Variants in CDKAL1 observed in about 807,000 individuals in gnomAD.
CDKAL1 encodes CDKAL1 threonylcarbamoyladenosine tRNA methylthiotransferase.
A neutral mutation model predicts 68.2 loss-of-function variants in CDKAL1; 32 were observed. The observed-to-expected ratio is 0.47, with a 90% CI of 0.35 to 0.63. CDKAL1 has a LOEUF of 0.63. Among genes scored for constraint, CDKAL1 ranks in the 30% least tolerant of loss-of-function variants. The pLI is 0.00. For synonymous variants in CDKAL1, 234 were observed against 244.3 expected (o/e 0.96, Z 0.39); for missense variants, 606 against 696.7 (o/e 0.87, Z 1.47).
At chr6:20,891,144 A>C (rs1292317998) in intron 9 of CDKAL1, among the ~76,000 whole-genome samples, 1 of 152,192 alleles carries the variant, frequency 6.6e-6, no homozygotes, top group Non-Finnish European at 1.5e-5. Flanking sequence ...AGTGATTTAC[A>C]TGGCTACCGC....
intron 8 of CDKAL1, among the ~76,000 whole-genome samples, chr6:20,821,262 T>A (rs1197955414): frequency 6.6e-6 from 1 of 152,010 alleles, no homozygotes; most frequent in Non-Finnish European, 1.5e-5. Flanking sequence ...AGGGACGATA[T>A]CCTGTCGTGA....
At chr6:20,952,701 T>C (rs1365090782) in intron 9 of CDKAL1, among the ~76,000 whole-genome samples, 1 of 152,238 alleles carries the variant, frequency 6.6e-6, no homozygotes, top group African/African-American at 2.4e-5. Context: ...TGTGCAGATA[T>C]AAGCATGTGT....
chr6:20,783,629 C>A (rs1775530045), intron 8 of CDKAL1, among the ~76,000 whole-genome samples: 1 of 152,132 alleles, frequency 6.6e-6, no homozygotes, highest in Admixed American at 6.5e-5. Context: ...CTTGGGATGT[C>A]TGCTTGTTTC....
intron 4 of CDKAL1, among the ~76,000 whole-genome samples, chr6:20,554,897 G>A (rs1763974809): frequency 6.6e-6 from 1 of 152,194 alleles, no homozygotes; most frequent in South Asian, 2.1e-4. Flanking sequence ...TGAGGCTGTG[G>A]TTCATAAACA....
rs75863482 is a variant in CDKAL1, at chr6:21,186,887, A to G, written c.1300-11134A>G. ...CAGCCCTCTCCAATAAAAATATGGTATCAACCACAGATGTTACTTCACATT... is the reference window on the plus strand; with the variant it reads ...CAGCCCTCTCCAATAAAAATATGGTGTCAACCACAGATGTTACTTCACATT... On this transcript the variant is annotated intron_variant, in intron 13 of 15. Transcript: ENST00000274695. Among the ~76,000 whole-genome samples, 867 of 152,324 alleles carry G rather than the reference A, an allele frequency of 5.7e-3. 9 individuals are homozygous for G. The highest frequency in any genetic ancestry group is 0.019 in the African/African-American group (781 of 41,568).
intron 12 of CDKAL1, among the ~76,000 whole-genome samples, chr6:21,081,510 C>T (rs1174337622): frequency 6.6e-6 from 1 of 151,110 alleles, no homozygotes; most frequent in East Asian, 1.9e-4. Flanking sequence ...TTAGTAACAA[C>T]TTTAGAAGTG....
At chr6:21,061,835 CATTTT>C (rs1441823752) in intron 11 of CDKAL1, among the ~76,000 whole-genome samples, 1 of 152,156 alleles carries the variant, frequency 6.6e-6, no homozygotes, top group Non-Finnish European at 1.5e-5. Context: ...ACTTAAAAAA[CATTTT>C]ATAAGCAATC....
At chr6:21,000,050 T>C (rs1049031486) in intron 10 of CDKAL1, among the ~76,000 whole-genome samples, 177 bp from the exon 11 acceptor site, 5 of 152,242 alleles carry the variant, frequency 3.3e-5, no homozygotes, top group African/African-American at 7.2e-5. Flanking sequence ...GAAAGTGATA[T>C]TGAATTCCCA....
intron 12 of CDKAL1, among the ~76,000 whole-genome samples, chr6:21,082,564 A>C (rs990021300): frequency 3.9e-5 from 6 of 152,204 alleles, no homozygotes; most frequent in African/African-American, 1.4e-4. Context: ...GATAAATTCA[A>C]AGTAATTTTA....
chr6:21,044,303 C>G (rs974495077), intron 11 of CDKAL1, among the ~76,000 whole-genome samples: 1 of 152,186 alleles, frequency 6.6e-6, no homozygotes, highest in African/African-American at 2.4e-5. Context: ...GTTTAGCCCT[C>G]TATTACACTC....
chr6:20,558,401 GA>G (rs1764143128), intron 4 of CDKAL1: 1 of 399,640 alleles, frequency 2.5e-6, no homozygotes, highest in Admixed American at 2.9e-5. Flanking sequence ...GATTTGGGGT[GA>G]TAAATTAATT....
chr6:20,586,067 A>G (rs1216222289), intron 4 of CDKAL1, among the ~76,000 whole-genome samples: 1 of 152,212 alleles, frequency 6.6e-6, no homozygotes, highest in East Asian at 1.9e-4. Flanking sequence ...ACTTGTTTCC[A>G]CATCACACAC....
At chr6:20,629,295 T>G (rs1767570663) in intron 4 of CDKAL1, among the ~76,000 whole-genome samples, 1 of 152,200 alleles carries the variant, frequency 6.6e-6, no homozygotes, top group East Asian at 1.9e-4. Flanking sequence ...TTTTTCTCTC[T>G]CAGTGCATCT....
chr6:20,661,970 A>G (rs1581916836), intron 5 of CDKAL1, among the ~76,000 whole-genome samples: 1 of 152,204 alleles, frequency 6.6e-6, no homozygotes, highest in East Asian at 1.9e-4. Context: ...TAGCAGGATT[A>G]AAGAAAAAAT....
intron 5 of CDKAL1, among the ~76,000 whole-genome samples, chr6:20,708,360 A>G (rs1771694728): frequency 1.3e-5 from 2 of 152,142 alleles, no homozygotes; most frequent in Non-Finnish European, 2.9e-5. Context: ...TGCAAGGCCT[A>G]CTTTACTATA....
chr6:20,741,304 T>C (rs1012673867), intron 6 of CDKAL1, among the ~76,000 whole-genome samples: 1 of 152,150 alleles, frequency 6.6e-6, no homozygotes, highest in African/African-American at 2.4e-5. Context: ...TTTGTTGTTC[T>C]GTGGTTAACA....
chr6:20,851,593 C>G (rs780547884), intron 9 of CDKAL1, among the ~76,000 whole-genome samples: 1 of 151,656 alleles, frequency 6.6e-6, no homozygotes, highest in African/African-American at 2.4e-5. Context: ...CTGAAAAGCC[C>G]CTGCAAGATA....
chr6:20,975,962 C>T (rs1765827243), intron 10 of CDKAL1, among the ~76,000 whole-genome samples: 1 of 152,098 alleles, frequency 6.6e-6, no homozygotes, highest in Non-Finnish European at 1.5e-5. Flanking sequence ...TATAATGACA[C>T]GTACCCACCG....
chr6:21,105,376 G>A (rs1405035766), intron 12 of CDKAL1, among the ~76,000 whole-genome samples: 7 of 152,094 alleles, frequency 4.6e-5, no homozygotes, highest in Admixed American at 4.6e-4. Context: ...AGGAATTTTG[G>A]CTGATCTGTA....
Sources: gnomAD v4.1 joint callset for allele counts (sites outside exome capture counted in the v4.1 genomes callset) on GRCh38, gnomAD v4.1.1 for gene constraint, MANE v1.5 for transcripts, NCBI Gene and HGNC (gene_info 2026-07-23, HGNC 2026-07-21) for gene names.